Variants in ZFP28 observed in about 807,000 individuals in gnomAD.
ZFP28 encodes zinc finger protein 28 homolog.
Under a neutral mutation model 39.5 loss-of-function variants are expected in ZFP28, and 31 were observed. The observed-to-expected ratio is 0.79, with a 90% CI of 0.59 to 1.06. ZFP28 has a LOEUF of 1.06. Among genes scored for constraint, ZFP28 ranks in the 50% least tolerant of loss-of-function variants. ZFP28 has a pLI of 0.00. For missense variants in ZFP28, 925 were observed against 1,048.4 expected, an observed-to-expected ratio of 0.88 and a Z score of 1.63; for synonymous variants, 400 against 378.6, an observed-to-expected ratio of 1.06 and a Z score of -0.66.
chr19:56,547,768 A>G lies in ZFP28; in HGVS notation c.428-39A>G. 1 of 1,612,382 alleles carries G rather than the reference A, an allele frequency of 6.2e-7. No individual in the cohort carries two copies. ...AAGGGGACTGCATCTCAGTCTGGAC[A>G]GCCACACAGTATGACCAGGTTGTTT... is the stretch of plus-strand genomic sequence containing the variant. On this transcript the variant is annotated intron_variant, in intron 3 of 7. Transcript: ENST00000301318. The surrounding 1 kb of genome is among the most constrained non-coding windows in gnomAD (Gnocchi z 4.6).
chr19:56,549,612 G>A (rs10853889), intron 5 of ZFP28, among the ~76,000 whole-genome samples: 49,175 of 150,826 alleles, frequency 0.33, 8,574 homozygotes, highest in East Asian at 0.61. Context: ...GGGAGGCGGA[G>A]CTTGCAGTGA....
chr19:56,539,802 T>G, intron 2 of ZFP28, 86 bp downstream of exon 2: 1 of 1,250,042 alleles, frequency 8.0e-7, no homozygotes, highest in Non-Finnish European at 1.1e-6. Context: ...AAGTTTTCAG[T>G]TTAAGAGACC....
chr19:56,550,325 T>TA, intron 6 of ZFP28, 144 bp downstream of exon 6: 1 of 951,458 alleles, frequency 1.1e-6, no homozygotes, highest in Non-Finnish European at 1.6e-6. Flanking sequence ...GAATTTGGCA[T>TA]TTGTAGAGGT....
intron 7 of ZFP28, chr19:56,552,083 A>C (rs2044309089): frequency 1.8e-5 from 12 of 667,538 alleles, no homozygotes; most frequent in Non-Finnish European, 2.0e-5. Context: ...ATGACTATTT[A>C]GTATTATATG....
rs1039863240 is a variant in ZFP28, at chr19:56,550,128, A to G, written c.749A>G (p.Lys250Arg). ...CGCCAGCAGCTACACCCAGCTCAGA[A>G]GAATTTCTGTAAGAATGGGATATGG... ...DFRQQLHPAQ[K>R]NFCKNGIWEN... The change falls in exon 6 of 8, where the codon AAG becomes AGG. Residue 250 changes from lysine to arginine, a missense_variant. By Grantham distance (26) the Lys-to-Arg change is conservative. Around this residue, in one of 2 missense-constraint regions of ZFP28, gnomAD observed 556 missense variants for 542.9 expected, o/e 1.02. Coordinates refer to ENST00000301318, the MANE Select transcript of ZFP28 (RefSeq NM_020828.2). 5 of 1,613,324 alleles carry G rather than the reference A, an allele frequency of 3.1e-6. No individual in the cohort carries two copies. The Admixed American group carries it at 6.7e-5, about 22-fold the overall frequency.
At position 56,539,088 on chromosome 19, in the gene ZFP28, AAGCCCCGGGCGGGCCGAGGCCCGACTGT is replaced by A. The variant is rs1426846053; in HGVS notation, c.73_100del (p.Pro25GlyfsTer70). 6.5e-7 allele frequency: 1 copy of A among 1,536,336 alleles called. No homozygotes were observed. The highest frequency in any genetic ancestry group is 8.7e-7 in the Non-Finnish European group (1 of 1,146,804). On this transcript the variant is annotated frameshift_variant, in exon 1 of 8. Transcript: ENST00000301318. LOFTEE classifies it high-confidence loss of function. Reference sequence around the variant, plus strand: ...CCCGGGTAGAGGCGCCCCCCGCACAAAGCCCCGGGCGGGCCGAGGCCCGACTGTAGGGACTCCAGCCACCTTGGCCCTC... The same window carrying A: ...CCCGGGTAGAGGCGCCCCCCGCACAAAGGGACTCCAGCCACCTTGGCCCTC...
At position 56,554,017 on chromosome 19, in the gene ZFP28, C is replaced by T. The variant is rs141875487; in HGVS notation, c.1232C>T (p.Thr411Ile). The change falls in exon 8 of 8, where the codon ACA becomes ATA. Residue 411 changes from threonine to isoleucine, a missense_variant. Thr to Ile is a moderately conservative substitution (Grantham distance 89). Around this residue, in one of 2 missense-constraint regions of ZFP28, gnomAD observed 556 missense variants for 542.9 expected, o/e 1.02. Transcript: ENST00000301318. The surrounding 1 kb of genome is among the most constrained non-coding windows in gnomAD (Gnocchi z 6.7). ...AAAAGTTCAGTGGTAATAAAACAAA[C>T]AGGCATCTATGCAGGAAAAAAGCTT... ...FQKSSVVIKQ[T>I]GIYAGKKLFK... 1.0e-3 allele frequency: 1,665 copies of T among 1,612,376 alleles called. 3 individuals carry two copies. The highest frequency in any genetic ancestry group is 1.3e-3 in the Non-Finnish European group (1,546 of 1,179,652).
chr19:56,555,130 A>G lies in ZFP28; in HGVS notation c.2345A>G (p.Lys782Arg), dbSNP rs1350159923. ...GTACATCAGAGAATCCATTCTGGAA[A>G]GAAACCATATGAATGTAAGGAATGT... Reference protein sequence around the residue: ...LSVHQRIHSGKKPYECKECRK... With the variant: ...LSVHQRIHSGRKPYECKECRK... The change falls in exon 8 of 8, where the codon AAG becomes AGG. Residue 782 changes from lysine to arginine, a missense_variant. By Grantham distance (26) the Lys-to-Arg change is conservative. This residue lies in a region of ZFP28 where 369 missense variants were observed against 505.5 expected (regional missense o/e 0.73). Coordinates refer to ENST00000301318, the MANE Select transcript of ZFP28 (RefSeq NM_020828.2). 1.9e-6 allele frequency: 3 copies of G among 1,614,236 alleles called. No individual in the cohort carries two copies. Among genetic ancestry groups the G allele is most frequent in the Admixed American group, 1.7e-5 (1 of 60,036 alleles).
At position 56,554,922 on chromosome 19, in the gene ZFP28, A is replaced by G; in HGVS notation, c.2137A>G (p.Asn713Asp). The G allele has an allele frequency of 1.2e-6, 2 of 1,614,172 alleles. No individual in the cohort carries two copies. The highest frequency in any genetic ancestry group is 2.7e-5 in the African/African-American group (2 of 75,056). Reference protein sequence around the residue: ...CMECGKAFGDNSSCTQHQRLH... With the variant: ...CMECGKAFGDDSSCTQHQRLH... ...GGAATGTGGGAAGGCCTTTGGTGATAACTCATCCTGTACTCAACATCAAAG... is the reference window on the plus strand; with the variant it reads ...GGAATGTGGGAAGGCCTTTGGTGATGACTCATCCTGTACTCAACATCAAAG... Residue 713 changes from asparagine to aspartate, a missense_variant, in exon 8 of 8, where the codon AAC becomes GAC. Physicochemically the swap from Asn to Asp is conservative, Grantham distance 23 (BLOSUM62 1). This residue lies in a region of ZFP28 where 369 missense variants were observed against 505.5 expected (regional missense o/e 0.73). Coordinates refer to ENST00000301318, the MANE Select transcript of ZFP28 (RefSeq NM_020828.2). The surrounding 1 kb of genome is among the most constrained non-coding windows in gnomAD (Gnocchi z 6.7).
At chr19:56,538,805 G>GGCA (rs1568482536), upstream of ZFP28, 1 of 93,188 alleles carries the variant, frequency 1.1e-5, no homozygotes, top group Admixed American at 1.0e-4. Context: ...GGCGGGGCGG[G>GGCA]GCGGGGCGGG....
At chr19:56,551,686 G>A in intron 7 of ZFP28, 1 of 985,122 alleles carries the variant, frequency 1.0e-6, no homozygotes, top group Non-Finnish European at 1.2e-6. Context: ...TTATTTACAT[G>A]AAAACTTTTG....
At position 56,549,130 on chromosome 19, in the gene ZFP28, C is replaced by T; in HGVS notation, c.687+9C>T. The T allele has an allele frequency of 6.3e-7, 1 of 1,591,238 alleles. No homozygotes were observed. The highest frequency in any genetic ancestry group is 1.1e-5 in the South Asian group (1 of 87,072). On this transcript the variant is annotated intron_variant, in intron 5 of 7. Coordinates refer to ENST00000301318, the MANE Select transcript of ZFP28 (RefSeq NM_020828.2). ...TGTTTGAGACACAGCCGGTAAGTCA[C>T]AAGACAAATTTCAGGCAAGAGGAAG...
chr19:56,547,444 C>A lies in ZFP28; in HGVS notation c.301-64C>A. 1.9e-6 allele frequency: 3 copies of A among 1,610,954 alleles called. No individual in the cohort carries two copies. The South Asian group carries it at 3.3e-5, about 18-fold the overall frequency. On this transcript the variant is annotated intron_variant, in intron 2 of 7. Transcript: ENST00000301318. The surrounding 1 kb of genome is among the most constrained non-coding windows in gnomAD (Gnocchi z 4.6). ...TCAGGGGACACATTTCTTTCTATAA[C>A]AAACCCCCAGTCATGTGGGGGCATG...
chr19:56,547,970 A>T lies in ZFP28; in HGVS notation c.523+68A>T. 1 of 1,471,272 alleles carries T rather than the reference A, an allele frequency of 6.8e-7. No individual in the cohort carries two copies. Among genetic ancestry groups the T allele is most frequent in the Non-Finnish European group, 9.5e-7 (1 of 1,058,162 alleles). The allele number at this position is 1,471,272 out of a possible 1,614,324, so 91.1% of individuals were successfully genotyped here. A position where few individuals can be genotyped will look rare whatever the true frequency, so the allele number is the denominator to read the frequency against. ...ATAGTTCAGCTGACTCAGACACGCA[A>T]CATCTTCAGCAGACTCTTCCTAAGC... On this transcript the variant is annotated intron_variant, in intron 4 of 7. Transcript: ENST00000301318. The surrounding 1 kb of genome is among the most constrained non-coding windows in gnomAD (Gnocchi z 4.6).
chr19:56,538,767 AGGGGCGGGGCGGGGCGGGGC>A (rs1176564398), upstream of ZFP28, among the ~76,000 whole-genome samples: 30,053 of 102,808 alleles, frequency 0.29, 5,865 homozygotes, highest in African/African-American at 0.37. Context: ...CTCTAGGCTG[AGGGGCGGGGCGGGGCGGGGC>A]GGGGCGGGGC....
chr19:56,550,131 A>AT lies in ZFP28; in HGVS notation c.755dup (p.Cys253LeufsTer2). ...CAGCAGCTACACCCAGCTCAGAAGA[A>AT]TTTCTGTAAGAATGGGATATGGGAG... On this transcript the variant is annotated frameshift_variant, in exon 6 of 8. Coordinates refer to ENST00000301318, the MANE Select transcript of ZFP28 (RefSeq NM_020828.2). LOFTEE classifies it high-confidence loss of function. 6.2e-7 allele frequency: 1 copy of AT among 1,613,264 alleles called. No homozygotes were observed. The highest frequency in any genetic ancestry group is 8.5e-7 in the Non-Finnish European group (1 of 1,179,782).
At chr19:56,551,879 A>G in intron 7 of ZFP28, 3 of 982,996 alleles carry the variant, frequency 3.1e-6, no homozygotes, top group Non-Finnish European at 3.6e-6. Flanking sequence ...GTATATAAGC[A>G]TACTAATTCT....
chr19:56,543,163 TAAAC>T (rs1197862177), intron 2 of ZFP28, among the ~76,000 whole-genome samples: 1 of 151,972 alleles, frequency 6.6e-6, no homozygotes, highest in East Asian at 1.9e-4. Context: ...GAATTGAATT[TAAAC>T]AAATCTTTTT....
chr19:56,553,081 A>G (rs1182920913), intron 7 of ZFP28: 1 of 152,188 alleles, frequency 6.6e-6, no homozygotes, highest in African/African-American at 2.4e-5. Context: ...AAATATATAC[A>G]ATTTTTATTT....
Sources: allele counts gnomAD v4.1 joint callset (sites outside exome capture counted in the v4.1 genomes callset), GRCh38; gene constraint gnomAD v4.1.1; regional missense constraint gnomAD v4.1.1; non-coding constraint Gnocchi (gnomAD v3.1); transcripts MANE v1.5; gene names NCBI Gene and HGNC (gene_info 2026-07-23, HGNC 2026-07-21).